Variants in FHIT observed in about 807,000 individuals in gnomAD.
FHIT encodes the protein bis(5'-adenosyl)-triphosphatase.
A neutral mutation model predicts 17.9 loss-of-function variants in FHIT; 19 were observed. That is an observed-to-expected ratio of 1.06 (90% CI 0.74 to 1.56). FHIT has a LOEUF of 1.56. FHIT is among the 40% of genes most tolerant of loss of function. The pLI is 0.00. For synonymous variants in FHIT, 81 were observed against 69.7 expected (o/e 1.16, Z -0.81); for missense variants, 248 against 189.2 (o/e 1.31, Z -1.82).
At chr3:60,609,412 G>A (rs565875403) in intron 4 of FHIT, among the ~76,000 whole-genome samples, 9 of 151,958 alleles carry the variant, frequency 5.9e-5, no homozygotes, top group African/African-American at 1.2e-4. Flanking sequence ...TGCAATCTCC[G>A]CCTCTCGGGT....
At chr3:59,914,341 T>C (rs1404427981) in intron 8 of FHIT, among the ~76,000 whole-genome samples, 1 of 152,090 alleles carries the variant, frequency 6.6e-6, no homozygotes, top group Non-Finnish European at 1.5e-5. Flanking sequence ...GACAAAAATA[T>C]AACCACATTT....
intron 5 of FHIT, among the ~76,000 whole-genome samples, chr3:60,361,125 T>C (rs1699889505): frequency 6.6e-6 from 1 of 152,212 alleles, no homozygotes; most frequent in Non-Finnish European, 1.5e-5. Context: ...TTACTGGATA[T>C]CCACCAAATA....
At chr3:61,233,723 A>G (rs2040161618) in intron 1 of FHIT, among the ~76,000 whole-genome samples, 1 of 152,166 alleles carries the variant, frequency 6.6e-6, no homozygotes, top group South Asian at 2.1e-4. Flanking sequence ...CACTTTTTTA[A>G]TCAGGCTAAC....
chr3:60,520,457 G>C (rs916081140), intron 5 of FHIT, among the ~76,000 whole-genome samples: 3 of 152,040 alleles, frequency 2.0e-5, no homozygotes, highest in African/African-American at 7.3e-5. Context: ...GGATGAAAGA[G>C]ATTTTAAAAA....
At chr3:60,343,093 G>A (rs886532638) in intron 5 of FHIT, among the ~76,000 whole-genome samples, 4 of 152,010 alleles carry the variant, frequency 2.6e-5, no homozygotes, top group African/African-American at 9.7e-5. Context: ...TTTTAATAAT[G>A]AATTATACCT....
intron 4 of FHIT, among the ~76,000 whole-genome samples, chr3:60,737,444 C>G (rs559298991): frequency 6.6e-6 from 1 of 152,148 alleles, no homozygotes; most frequent in Non-Finnish European, 1.5e-5. Context: ...GTTCAAATTC[C>G]GTTTACAAAT....
chr3:60,654,900 G>A (rs1409282606), intron 4 of FHIT, among the ~76,000 whole-genome samples: 1 of 152,112 alleles, frequency 6.6e-6, no homozygotes, highest in Non-Finnish European at 1.5e-5. Flanking sequence ...AAAGTGGAAG[G>A]AAAAGAAAAG....
Position 60,861,047 on chromosome 3 carries a change from C to T in FHIT, c.-110-39036G>A, listed in dbSNP as rs1481727862. 6.2e-5 allele frequency among the ~76,000 whole-genome samples: 6 copies of T among 96,384 alleles called. 1 individual carries two copies. Among genetic ancestry groups the T allele is most frequent in the Non-Finnish European group, 1.1e-4 (5 of 46,216 alleles). The allele number at this position is 96,384 out of a possible 152,430, so 63.2% of individuals were successfully genotyped here. A position where few individuals can be genotyped will look rare whatever the true frequency, so the allele number is the denominator to read the frequency against. On this transcript the variant is annotated intron_variant, in intron 3 of 9. Transcript: ENST00000492590. ...ACGTATATCATGTATATATGACGTA[C>T]GTCATATATATCATGTGTATATATG...
intron 7 of FHIT, among the ~76,000 whole-genome samples, chr3:59,986,540 T>TAC (rs1315976727): frequency 6.4e-4 from 8 of 12,452 alleles, no homozygotes; most frequent in African/African-American, 2.5e-3. Flanking sequence ...TATATATATA[T>TAC]ACACACACAC....
chr3:60,824,323 C>T lies in FHIT; in HGVS notation c.-110-2312G>A, dbSNP rs191643872. Among the ~76,000 whole-genome samples, 533 of 152,208 alleles carry T rather than the reference C, an allele frequency of 3.5e-3. 3 individuals are homozygous for T. The highest frequency in any genetic ancestry group is 6.5e-3 in the Non-Finnish European group (444 of 68,020). On this transcript the variant is annotated intron_variant, in intron 3 of 9. Coordinates refer to ENST00000492590, the MANE Select transcript of FHIT (RefSeq NM_002012.4). Reference sequence around the variant, plus strand: ...TTGCAATAGATTGCAGGTAGAGATACGCCTGACTTCTTGATAGTACATAGA... The same window carrying T: ...TTGCAATAGATTGCAGGTAGAGATATGCCTGACTTCTTGATAGTACATAGA...
At chr3:60,111,467 A>G (rs953904829) in intron 5 of FHIT, among the ~76,000 whole-genome samples, 2 of 152,216 alleles carry the variant, frequency 1.3e-5, no homozygotes, top group African/African-American at 4.8e-5. Flanking sequence ...GACACCCTAG[A>G]AAAATGATGC....
intron 4 of FHIT, among the ~76,000 whole-genome samples, chr3:60,773,354 T>G (rs1359906464): frequency 6.7e-6 from 1 of 149,178 alleles, no homozygotes; most frequent in East Asian, 1.9e-4. Flanking sequence ...CCCAAACATC[T>G]CCCTAGACTT....
chr3:60,462,710 T>C (rs2032549900), intron 5 of FHIT, among the ~76,000 whole-genome samples: 1 of 152,110 alleles, frequency 6.6e-6, no homozygotes, highest in African/African-American at 2.4e-5. Flanking sequence ...CAGGAGGTTA[T>C]GGCCCCAGGC....
chr3:60,176,578 C>T (rs1025082450), intron 5 of FHIT, among the ~76,000 whole-genome samples: 28 of 152,066 alleles, frequency 1.8e-4, no homozygotes, highest in African/African-American at 6.0e-4. Flanking sequence ...CATATGGAAA[C>T]GGACAAACAC....
chr3:59,947,851 A>G (rs961793703), intron 7 of FHIT, among the ~76,000 whole-genome samples: 2 of 152,192 alleles, frequency 1.3e-5, no homozygotes, highest in Non-Finnish European at 2.9e-5. Context: ...TGGTGGGTGT[A>G]TGCCAATTTT....
At chr3:59,754,184 C>T (rs959661868) in intron 8 of FHIT, among the ~76,000 whole-genome samples, 10 of 149,054 alleles carry the variant, frequency 6.7e-5, no homozygotes, top group East Asian at 2.0e-4. Flanking sequence ...CTCGCACTCC[C>T]GCTGAGCTGT....
At chr3:60,579,555 A>C (rs2037686420) in intron 4 of FHIT, among the ~76,000 whole-genome samples, 1 of 152,204 alleles carries the variant, frequency 6.6e-6, no homozygotes, top group African/African-American at 2.4e-5. Flanking sequence ...AGTATGGTTA[A>C]AATAACACTA....
At chr3:59,784,423 T>C (rs1702744193) in intron 8 of FHIT, among the ~76,000 whole-genome samples, 1 of 152,214 alleles carries the variant, frequency 6.6e-6, no homozygotes, top group Non-Finnish European at 1.5e-5. Flanking sequence ...CTTTCCATTC[T>C]TTTCGGATAA....
At chr3:60,342,504 T>C (rs574869158) in intron 5 of FHIT, among the ~76,000 whole-genome samples, 1 of 152,370 alleles carries the variant, frequency 6.6e-6, no homozygotes, top group East Asian at 1.9e-4. Flanking sequence ...GTTTGTGTCT[T>C]TAAATACATT....
Sources: allele counts gnomAD v4.1 joint callset (sites outside exome capture counted in the v4.1 genomes callset), GRCh38; gene constraint gnomAD v4.1.1; transcripts MANE v1.5; gene names NCBI Gene and HGNC (gene_info 2026-07-23, HGNC 2026-07-21).